The following RBFOX1 variants were observed in gnomAD, a reference collection of about 807,000 sequenced individuals.
The protein encoded by RBFOX1 is RNA binding protein fox-1 homolog 1.
In RBFOX1, 8 loss-of-function variants were observed where a neutral mutation model predicts 57.7. The observed-to-expected ratio is 0.14, with a 90% CI of 0.08 to 0.25. The LOEUF (loss-of-function observed/expected upper bound fraction) is 0.25. RBFOX1 is among the 10% of genes least tolerant of loss of function. The probability of loss-of-function intolerance (pLI) is 1.00; values close to 1 mark genes in which losing one functional copy is unlikely to be tolerated. For synonymous variants in RBFOX1, 326 were observed against 222.4 expected (o/e 1.47, Z -4.15); for missense variants, 611 against 548.5 (o/e 1.11, Z -1.14).
At chr16:5,400,249 A>G (rs915059775) in intron 1 of RBFOX1, among the ~76,000 whole-genome samples, 6 of 151,658 alleles carry the variant, frequency 4.0e-5, no homozygotes, top group African/African-American at 1.5e-4. Context: ...TTGCCACCAC[A>G]CCCGGCTGAT....
At chr16:7,061,491 C>G (rs930891372) in intron 4 of RBFOX1, among the ~76,000 whole-genome samples, 4 of 152,078 alleles carry the variant, frequency 2.6e-5, no homozygotes, top group African/African-American at 9.7e-5. Context: ...ATTTTTGATG[C>G]TGAATCTTAT....
At chr16:7,037,696 G>T (rs567162840) in intron 3 of RBFOX1, among the ~76,000 whole-genome samples, 1 of 152,248 alleles carries the variant, frequency 6.6e-6, no homozygotes, top group East Asian at 1.9e-4. Context: ...TGACCCTGTG[G>T]GGCACATGGG....
At chr16:6,707,642 C>A (rs1306962333) in intron 3 of RBFOX1, among the ~76,000 whole-genome samples, 1 of 152,062 alleles carries the variant, frequency 6.6e-6, no homozygotes, top group East Asian at 1.9e-4. Flanking sequence ...GAACTGCCGT[C>A]TCCAGAAAGG....
chr16:5,946,399 C>G lies in RBFOX1; in HGVS notation c.351+79064C>G, dbSNP rs528023394. On this transcript the variant is annotated intron_variant, in intron 4 of 19. Coordinates refer to the RBFOX1 transcript ENST00000641259. The surrounding 1 kb of genome is among the most constrained non-coding windows in gnomAD (Gnocchi z 4.6). ...TTGCTCATGGATGTTTATCAAACAC[C>G]AACCAAGTGCCGGATGCACTACTCT... Among the ~76,000 whole-genome samples the G allele has an allele frequency of 1.3e-4, 20 of 152,238 alleles. No homozygotes were observed. Among genetic ancestry groups the G allele is most frequent in the African/African-American group, 4.6e-4 (19 of 41,548 alleles).
At chr16:6,244,222 T>G (rs1210911657) in intron 1 of RBFOX1, among the ~76,000 whole-genome samples, 1 of 152,126 alleles carries the variant, frequency 6.6e-6, no homozygotes, top group Non-Finnish European at 1.5e-5. Flanking sequence ...GAGATTTGGT[T>G]ATATCCCTCC....
chr16:7,550,846 C>T (rs562658566), intron 5 of RBFOX1, among the ~76,000 whole-genome samples: 16 of 152,092 alleles, frequency 1.1e-4, no homozygotes, highest in East Asian at 5.9e-4. Context: ...ATAATCCGAA[C>T]GCTTTGAGAG....
At chr16:5,579,211 C>T (rs972942286) in intron 2 of RBFOX1, among the ~76,000 whole-genome samples, 1 of 152,090 alleles carries the variant, frequency 6.6e-6, no homozygotes, top group African/African-American at 2.4e-5. Flanking sequence ...ACTTGCACTT[C>T]CACTAGGATC....
At chr16:6,532,583 C>G (rs1222478196) in intron 2 of RBFOX1, among the ~76,000 whole-genome samples, 3 of 152,152 alleles carry the variant, frequency 2.0e-5, no homozygotes, top group Non-Finnish European at 4.4e-5. Context: ...TCATGGAGAT[C>G]ATTCCTGCAG....
At chr16:5,657,984 G>A (rs1023198597) in intron 3 of RBFOX1, among the ~76,000 whole-genome samples, 3 of 151,804 alleles carry the variant, frequency 2.0e-5, no homozygotes, top group Non-Finnish European at 4.4e-5. Context: ...CACCCACCTC[G>A]GCCTCCCAAA....
intron 3 of RBFOX1, among the ~76,000 whole-genome samples, chr16:6,864,198 C>G (rs1007874260): frequency 2.6e-5 from 4 of 152,096 alleles, no homozygotes; most frequent in Admixed American, 6.5e-5. Flanking sequence ...ATAAATAATT[C>G]ACTTTTTTCT....
At chr16:6,928,192 GA>G (rs1437340796) in intron 3 of RBFOX1, among the ~76,000 whole-genome samples, 1 of 152,152 alleles carries the variant, frequency 6.6e-6, no homozygotes, top group South Asian at 2.1e-4. Flanking sequence ...GGGAGTGTTA[GA>G]AAAGATTGAT....
At chr16:5,894,648 G>C (rs944203262) in intron 4 of RBFOX1, among the ~76,000 whole-genome samples, 2 of 152,108 alleles carry the variant, frequency 1.3e-5, no homozygotes, top group African/African-American at 4.8e-5. Context: ...TTCCTTCTGA[G>C]CTCCCTGGAA....
At chr16:5,961,362 A>C (rs17644833) in intron 4 of RBFOX1, among the ~76,000 whole-genome samples, 3,743 of 151,918 alleles carry the variant, frequency 0.025, 77 homozygotes, top group Middle Eastern at 0.041. Context: ...TGAGCTTCCA[A>C]AATTACTCAA....
intron 2 of RBFOX1, among the ~76,000 whole-genome samples, chr16:6,653,797 G>T (rs115807685): frequency 4.9e-4 from 74 of 151,840 alleles, no homozygotes; most frequent in African/African-American, 1.8e-3. Context: ...TGGATGGATG[G>T]ATGAGTAGAC....
intron 2 of RBFOX1, among the ~76,000 whole-genome samples, chr16:6,332,374 C>G (rs2083146268): frequency 6.6e-6 from 1 of 152,062 alleles, no homozygotes; most frequent in Non-Finnish European, 1.5e-5. Context: ...ACTTTAGAAT[C>G]TCCGTGGAAG....
intron 4 of RBFOX1, among the ~76,000 whole-genome samples, chr16:7,196,785 G>T (rs1399496611): frequency 1.3e-5 from 2 of 152,014 alleles, no homozygotes; most frequent in Non-Finnish European, 2.9e-5. Flanking sequence ...TTTGAGGATG[G>T]GTGGGAATTT....
intron 4 of RBFOX1, among the ~76,000 whole-genome samples, chr16:7,372,660 A>G (rs1332799693): frequency 6.6e-6 from 1 of 152,064 alleles, no homozygotes; most frequent in Non-Finnish European, 1.5e-5. Flanking sequence ...TGTCCCCAGT[A>G]TTCTTTTTCC....
At chr16:5,687,532 A>G (rs2050542098) in intron 3 of RBFOX1, among the ~76,000 whole-genome samples, 1 of 152,204 alleles carries the variant, frequency 6.6e-6, no homozygotes, top group Admixed American at 6.5e-5. Context: ...TCAATACATG[A>G]TTAGGTGAGT....
At chr16:5,895,037 A>G (rs935783688) in intron 4 of RBFOX1, among the ~76,000 whole-genome samples, 27 of 152,138 alleles carry the variant, frequency 1.8e-4, no homozygotes, top group African/African-American at 6.5e-4. Flanking sequence ...AAAATAAAGA[A>G]GTTAATTTAC....
Sources: allele counts gnomAD v4.1 joint callset (sites outside exome capture counted in the v4.1 genomes callset), GRCh38; gene constraint gnomAD v4.1.1; non-coding constraint Gnocchi (gnomAD v3.1); transcripts MANE v1.5; gene names NCBI Gene and HGNC (gene_info 2026-07-23, HGNC 2026-07-21).